Variants in SLC4A5 observed in about 807,000 individuals in gnomAD.
SLC4A5 encodes electrogenic sodium bicarbonate cotransporter 4.
Under a neutral mutation model 120.4 loss-of-function variants are expected in SLC4A5, and 96 were observed. The ratio of observed to expected loss-of-function variants is 0.80; its 90% CI spans 0.68 to 0.94. SLC4A5 has a LOEUF of 0.94. Ranked by LOEUF, SLC4A5 falls within the 40% of genes least tolerant of loss-of-function variation. The probability of loss-of-function intolerance (pLI) is 0.00; values close to 1 mark genes in which losing one functional copy is unlikely to be tolerated. For missense variants in SLC4A5, 1,259 were observed against 1,459.5 expected, an observed-to-expected ratio of 0.86 and a Z score of 2.24; for synonymous variants, 550 against 571.1, an observed-to-expected ratio of 0.96 and a Z score of 0.53.
intron 17 of SLC4A5, among the ~76,000 whole-genome samples, chr2:74,249,633 G>A (rs1047552379): frequency 6.6e-6 from 1 of 152,086 alleles, no homozygotes; most frequent in African/African-American, 2.4e-5. Context: ...GGTGAACCAC[G>A]GTATCACCTG....
At chr2:74,243,165 G>A (rs1429214461) in intron 19 of SLC4A5, among the ~76,000 whole-genome samples, 1 of 152,202 alleles carries the variant, frequency 6.6e-6, no homozygotes, top group East Asian at 1.9e-4. Flanking sequence ...CTAACTGCAT[G>A]TGGATCACAT....
intron 5 of SLC4A5, among the ~76,000 whole-genome samples, chr2:74,320,571 T>C (rs1265275251): frequency 6.6e-6 from 1 of 151,830 alleles, no homozygotes; most frequent in African/African-American, 2.4e-5. Context: ...AGTGGGAGGG[T>C]AGAATAGGGG....
At chr2:74,335,737 A>G (rs1187809534) in intron 3 of SLC4A5, among the ~76,000 whole-genome samples, 1 of 152,250 alleles carries the variant, frequency 6.6e-6, no homozygotes, top group East Asian at 1.9e-4. Flanking sequence ...CAATAAAAAC[A>G]AAAACCCTAA....
intron 4 of SLC4A5, among the ~76,000 whole-genome samples, chr2:74,329,109 T>G (rs1673287630): frequency 6.6e-6 from 1 of 152,020 alleles, no homozygotes; most frequent in African/African-American, 2.4e-5. Flanking sequence ...GTGGTAGGAA[T>G]GATGGAGAAA....
At chr2:74,311,273 T>A (rs1014562662) in intron 6 of SLC4A5, among the ~76,000 whole-genome samples, 1 of 152,148 alleles carries the variant, frequency 6.6e-6, no homozygotes, top group African/African-American at 2.4e-5. Flanking sequence ...TGATTTTCTC[T>A]ATTGTTTCCT....
At chr2:74,239,239 G>C in intron 21 of SLC4A5, 96 bp downstream of exon 21, 1 of 1,191,726 alleles carries the variant, frequency 8.4e-7, no homozygotes, top group Non-Finnish European at 1.2e-6. Flanking sequence ...GCCAGTGCTC[G>C]CATGGAGTCC....
intron 9 of SLC4A5, 103 bp downstream of exon 9, chr2:74,265,001 G>A: frequency 7.5e-7 from 1 of 1,325,946 alleles, no homozygotes; most frequent in Non-Finnish European, 1.0e-6. Context: ...TCAGGTGTCA[G>A]AGACGGGCCG....
At chr2:74,324,805 CAG>C (rs1193967606) in intron 5 of SLC4A5, among the ~76,000 whole-genome samples, 2 of 152,124 alleles carry the variant, frequency 1.3e-5, no homozygotes, top group Non-Finnish European at 2.9e-5. Context: ...ATTCCAGCCA[CAG>C]AGACTGGTTC....
intron 7 of SLC4A5, among the ~76,000 whole-genome samples, chr2:74,291,540 C>G (rs1246814189): frequency 6.6e-6 from 1 of 152,220 alleles, no homozygotes; most frequent in Admixed American, 6.5e-5. Flanking sequence ...TGGGGGAGAA[C>G]AGACATCTGA....
chr2:74,285,694 A>C, intron 8 of SLC4A5, 79 bp downstream of exon 8: 1 of 1,554,762 alleles, frequency 6.4e-7, no homozygotes, highest in Non-Finnish European at 8.7e-7. Flanking sequence ...ACAAGGTGCC[A>C]CTTCCCACCA....
exon 10 of SLC4A5, chr2:74,264,248 C>T (rs753242846): frequency 9.9e-6 from 16 of 1,614,116 alleles, no homozygotes; most frequent in Admixed American, 5.0e-5. Context: ...GACCCTCTCC[C>T]GGAGCTCTGG....
intron 6 of SLC4A5, among the ~76,000 whole-genome samples, chr2:74,308,918 A>ATTT (rs138962975): frequency 6.2e-5 from 9 of 144,264 alleles, no homozygotes; most frequent in African/African-American, 1.5e-4. Context: ...CTATGTCTGA[A>ATTT]TTTTTTTTTT....
intron 18 of SLC4A5, 30 bp downstream of exon 18, chr2:74,248,319 GAGCA>G: frequency 6.2e-7 from 1 of 1,610,752 alleles, no homozygotes; most frequent in South Asian, 1.1e-5. Context: ...CCAAATGCGA[GAGCA>G]GGCACTGGGG....
intron 26 of SLC4A5, 85 bp from the exon 27 acceptor site, chr2:74,227,215 G>A: frequency 1.4e-6 from 2 of 1,447,206 alleles, no homozygotes; most frequent in Non-Finnish European, 9.3e-7. Flanking sequence ...GTGCCTGGGT[G>A]GGGTCTCAGA....
intron 7 of SLC4A5, among the ~76,000 whole-genome samples, chr2:74,294,460 T>C (rs1672268075): frequency 1.3e-5 from 2 of 152,210 alleles, no homozygotes; most frequent in Admixed American, 6.5e-5. Flanking sequence ...GTTGTCCTTA[T>C]TGTTCTGTTT....
In SLC4A5 at chr2:74,222,782, C is replaced by T. The variant is rs986776472; in HGVS notation, c.3331+86G>A. 4.2e-6 allele frequency: 5 copies of T among 1,191,234 alleles called. No homozygotes were observed. The African/African-American group carries it at 6.1e-5, about 14-fold the overall frequency. The allele number at this position is 1,191,234 out of a possible 1,614,324, so 73.8% of individuals were successfully genotyped here. On this transcript the variant is annotated intron_variant, in intron 29 of 30. Transcript: ENST00000394019. ...GCTCTAGCATCCAAAATGATTAGAT[C>T]CCCCTGAGTTACAGATGAAAGTTCC... is the stretch of plus-strand genomic sequence containing the variant.
intron 8 of SLC4A5, among the ~76,000 whole-genome samples, chr2:74,277,918 C>CAA (rs373384353): frequency 6.8e-5 from 10 of 146,202 alleles, no homozygotes; most frequent in African/African-American, 2.5e-4. Context: ...AAGCAAACAA[C>CAA]AAAAAAAAAA....
chr2:74,218,584 A>G (rs540114207), exon 31 of SLC4A5: 1 of 152,730 alleles, frequency 6.5e-6, no homozygotes, highest in East Asian at 1.9e-4. Context: ...AGTGAAGACT[A>G]AGCCAGGCTC....
chr2:74,244,109 C>A (rs774757081), intron 19 of SLC4A5, among the ~76,000 whole-genome samples: 1 of 152,240 alleles, frequency 6.6e-6, no homozygotes, highest in African/African-American at 2.4e-5. Flanking sequence ...GTTCTCCCCC[C>A]TCATCCCAGT....
Sources: allele counts gnomAD v4.1 joint callset (sites outside exome capture counted in the v4.1 genomes callset), GRCh38; gene constraint gnomAD v4.1.1; transcripts MANE v1.5; gene names NCBI Gene and HGNC (gene_info 2026-07-23, HGNC 2026-07-21).